Variants in MAST1 observed in about 807,000 individuals in gnomAD.
MAST1 encodes the protein microtubule associated serine/threonine kinase 1.
MAST1 carries 40 observed loss-of-function variants against 124.6 expected under a neutral mutation model. That is an observed-to-expected ratio of 0.32 (90% CI 0.25 to 0.42). MAST1 has a LOEUF of 0.42. MAST1 is among the 10% of genes least tolerant of loss of function. The pLI is 1.00. For synonymous variants in MAST1, 938 were observed against 939.4 expected, an observed-to-expected ratio of 1.00 and a Z score of 0.03; for missense variants, 1,558 against 2,181.9, an observed-to-expected ratio of 0.71 and a Z score of 5.70.
Position 12,866,464 on chromosome 19 carries a change from C to G in MAST1, c.2030-189C>G, listed in dbSNP as rs970286030. ...TGGCCTCTTTGGAGGCGGGGCTAGA[C>G]GGTGCCACTGAGAATGGGGCAAGGA... On this transcript the variant is annotated intron_variant, in intron 17 of 25. Coordinates refer to ENST00000251472, the MANE Select transcript of MAST1 (RefSeq NM_014975.3). The surrounding 1 kb of genome is among the most constrained non-coding windows in gnomAD (Gnocchi z 5.2). Among the ~76,000 whole-genome samples the G allele has an allele frequency of 1.3e-5, 2 of 152,026 alleles. No individual in the cohort carries two copies. Among genetic ancestry groups the G allele is most frequent in the African/African-American group, 4.8e-5 (2 of 41,378 alleles).
Position 12,865,575 on chromosome 19 carries a change from G to A in MAST1, c.1804+94G>A. 6.6e-7 allele frequency: 1 copy of A among 1,511,626 alleles called. No homozygotes were observed. The allele number at this position is 1,511,626 out of a possible 1,614,324, so 93.6% of individuals were successfully genotyped here. Reference sequence around the variant, plus strand: ...CAGGGATTTCAAAAGCGACCCCCCAGAGGATCGCTTGCACTCAGGAGGTCA... The same window carrying A: ...CAGGGATTTCAAAAGCGACCCCCCAAAGGATCGCTTGCACTCAGGAGGTCA... On this transcript the variant is annotated intron_variant, in intron 15 of 25. Coordinates refer to ENST00000251472, the MANE Select transcript of MAST1 (RefSeq NM_014975.3). This position sits in a 1 kb window ranked among gnomAD's most constrained non-coding sequence, Gnocchi z 7.1.
At chr19:12,845,820 C>T (rs1285144926) in intron 4 of MAST1, among the ~76,000 whole-genome samples, 2 of 151,992 alleles carry the variant, frequency 1.3e-5, no homozygotes, top group East Asian at 1.9e-4. Flanking sequence ...CCATGCCTGG[C>T]TAATTTTTTT....
chr19:12,847,465 C>T lies in MAST1; in HGVS notation c.488+15C>T, dbSNP rs948064319. On this transcript the variant is annotated intron_variant, in intron 5 of 25. Coordinates refer to ENST00000251472, the MANE Select transcript of MAST1 (RefSeq NM_014975.3). This position sits in a 1 kb window ranked among gnomAD's most constrained non-coding sequence, Gnocchi z 5.5. ...CGGAGCCTCAGGTGGGCAGGCATCC[C>T]TCCTCCTTCGTACCAAGCTAGTGGT... 1.2e-6 allele frequency: 2 copies of T among 1,613,168 alleles called. No homozygotes were observed. The highest frequency in any genetic ancestry group is 2.7e-5 in the African/African-American group (2 of 74,908).
Position 12,847,982 on chromosome 19 carries a change from C to A in MAST1, c.699C>A (p.Thr233=), listed in dbSNP as rs1325977785. Residue 233 remains threonine, a synonymous_variant, in exon 7 of 26, where the codon ACC becomes ACA. Transcript: ENST00000251472. This position sits in a 1 kb window ranked among gnomAD's most constrained non-coding sequence, Gnocchi z 5.5. ...TCGAGCTGGCCCGGGACTGCCTGAC[C>A]AAGTCCCGTGACGGCCTCATCACCA... ...QIIELARDCL[T]KSRDGLITTV... 1.9e-6 allele frequency: 3 copies of A among 1,614,016 alleles called. No individual in the cohort carries two copies. Among genetic ancestry groups the A allele is most frequent in the Admixed American group, 1.7e-5 (1 of 60,004 alleles).
chr19:12,860,130 G>T (rs13382010), intron 12 of MAST1, among the ~76,000 whole-genome samples: 302 of 151,308 alleles, frequency 2.0e-3, no homozygotes, highest in African/African-American at 7.1e-3. Flanking sequence ...CTTTTTTTTG[G>T]GGGGGACGGC....
At chr19:12,864,765 A>G (rs1483679661) in intron 12 of MAST1, 44 bp from the exon 13 acceptor site, 1 of 1,610,598 alleles carries the variant, frequency 6.2e-7, no homozygotes, top group Non-Finnish European at 8.5e-7. Flanking sequence ...GTCCAGAGAG[A>G]GGAATGCCTC....
chr19:12,856,603 C>G (rs912813132), intron 10 of MAST1, among the ~76,000 whole-genome samples: 1 of 152,144 alleles, frequency 6.6e-6, no homozygotes, highest in African/African-American at 2.4e-5. Context: ...CCACACCTGG[C>G]CTTTGCCACA....
intron 13 of MAST1, 30 bp downstream of exon 13, chr19:12,864,977 C>T (rs1568413146): frequency 1.9e-6 from 3 of 1,613,992 alleles, no homozygotes; most frequent in Non-Finnish European, 1.7e-6. Context: ...ATCACTCCCT[C>T]TGTCCCTCGG....
chr19:12,845,619 C>A (rs1189211447), intron 4 of MAST1, among the ~76,000 whole-genome samples: 1 of 150,512 alleles, frequency 6.6e-6, no homozygotes, highest in Non-Finnish European at 1.5e-5. Flanking sequence ...AAGAGGAGAG[C>A]CAGGCATAGT....
intron 7 of MAST1, among the ~76,000 whole-genome samples, chr19:12,850,704 T>G (rs1272880284): frequency 6.6e-6 from 1 of 152,034 alleles, no homozygotes; most frequent in Non-Finnish European, 1.5e-5. Flanking sequence ...GCCTGTTGGA[T>G]TCTGTCTTTA....
intron 4 of MAST1, among the ~76,000 whole-genome samples, chr19:12,844,670 T>C (rs1055134217): frequency 3.1e-4 from 47 of 152,102 alleles, no homozygotes; most frequent in Admixed American, 2.8e-3. Context: ...TGTGCAAACC[T>C]CTAGAGGCCA....
chr19:12,873,934 G>A lies in MAST1; in HGVS notation c.3777G>A (p.Pro1259=). The A allele has an allele frequency of 1.3e-6, 2 of 1,591,220 alleles. No individual in the cohort carries two copies. Among genetic ancestry groups the A allele is most frequent in the South Asian group, 1.1e-5 (1 of 89,528 alleles). ...RPKSAEPPRS[P]LLKRVQSAEK... is the part of the protein sequence containing the mutation. ...AGAGTGCCGAGCCCCCTCGCTCGCC[G>A]CTCCTCAAGCGCGTGCAGTCGGCCG... The change falls in exon 26 of 26, where the codon CCG becomes CCA. Residue 1259 remains proline, a synonymous_variant. Coordinates refer to ENST00000251472, the MANE Select transcript of MAST1 (RefSeq NM_014975.3).
rs1970287993 is a variant in MAST1, at chr19:12,874,475, C to A, written c.4318C>A (p.Pro1440Thr). The A allele has an allele frequency of 3.2e-6, 5 of 1,577,796 alleles. No homozygotes were observed. The highest frequency in any genetic ancestry group is 2.3e-5 in the East Asian group (1 of 44,370). The stretch of plus-strand genomic sequence containing the variant: ...ACCCCTGGTACCCATTGTCGTAGAG[C>A]CTGCGCGGCCCGGGGCTAAGGCTGT... ...GTPLVPIVVE[P>T]ARPGAKAVVP... Residue 1440 changes from proline (P) to threonine (T), a missense_variant, in exon 26 of 26, where the codon CCT becomes ACT. This residue lies in a region of MAST1 where 263 missense variants were observed against 310.9 expected (regional missense o/e 0.85). Transcript: ENST00000251472. This position sits in a 1 kb window ranked among gnomAD's most constrained non-coding sequence, Gnocchi z 6.6.
chr19:12,846,143 C>T (rs1485190858), intron 4 of MAST1, among the ~76,000 whole-genome samples: 2 of 152,118 alleles, frequency 1.3e-5, no homozygotes, highest in South Asian at 2.1e-4. Context: ...TCAAGGCTTC[C>T]GTGAGCCATG....
At position 12,867,736 on chromosome 19, in the gene MAST1, A is replaced by G. The variant is rs1312566617; in HGVS notation, c.2325A>G (p.Arg775=). ...CCACGCCCCCTCCATGCAGCAAGCG[A>G]TTCTCCGCGTCCGAGGCCAGTTTCC... is the stretch of plus-strand genomic sequence containing the variant. ...TWRGGSPEIK[R]FSASEASFLE... is the part of the protein sequence containing the mutation. Residue 775 remains arginine, a synonymous_variant, in exon 20 of 26, where the codon CGA becomes CGG. Coordinates refer to ENST00000251472, the MANE Select transcript of MAST1 (RefSeq NM_014975.3). 4 of 1,531,814 alleles carry G rather than the reference A, an allele frequency of 2.6e-6. No homozygotes were observed. The highest frequency in any genetic ancestry group is 3.5e-6 in the Non-Finnish European group (4 of 1,140,124). The allele number at this position is 1,531,814 out of a possible 1,614,324, so 94.9% of individuals were successfully genotyped here. A position where few individuals can be genotyped will look rare whatever the true frequency, so the allele number is the denominator to read the frequency against.
intron 21 of MAST1, 76 bp from the exon 22 acceptor site, chr19:12,868,990 G>A: frequency 1.9e-6 from 3 of 1,548,426 alleles, no homozygotes; most frequent in Non-Finnish European, 8.9e-7. Flanking sequence ...CACTGCCTTG[G>A]GAGGAGGGAG....
At chr19:12,869,344 GA>G (rs1408090665) in intron 22 of MAST1, 49 bp downstream of exon 22, 6 of 1,508,850 alleles carry the variant, frequency 4.0e-6, no homozygotes, top group Non-Finnish European at 3.6e-6. Flanking sequence ...GGGTGGTGGG[GA>G]AAAGGCCCCT....
intron 12 of MAST1, among the ~76,000 whole-genome samples, chr19:12,859,826 C>CAAA (rs60098806): frequency 1.1e-5 from 1 of 93,180 alleles, no homozygotes; most frequent in Non-Finnish European, 2.3e-5. Context: ...CCCTGTCCCG[C>CAAA]AAAAAAAAAA....
rs762066400 is a variant in MAST1 at position 12,865,984 on chromosome 19, C to T, written c.1911C>T (p.Gly637=). Residue 637 remains glycine, a synonymous_variant, in exon 17 of 26, where the codon GGC becomes GGT. Coordinates refer to ENST00000251472, the MANE Select transcript of MAST1 (RefSeq NM_014975.3). The surrounding 1 kb of genome is among the most constrained non-coding windows in gnomAD (Gnocchi z 7.1). ...TNPLVRLGAG[G]AFEVKQHSFF... is the part of the protein sequence containing the mutation. ...CTGGAATCCCTTCCGTCCCAGGCGG[C>T]GCTTTTGAGGTGAAGCAGCACAGTT... The T allele has an allele frequency of 1.2e-6, 2 of 1,613,780 alleles. No homozygotes were observed. Among genetic ancestry groups the T allele is most frequent in the Admixed American group, 1.7e-5 (1 of 60,010 alleles).
Sources: allele counts gnomAD v4.1 joint callset (sites outside exome capture counted in the v4.1 genomes callset), GRCh38; gene constraint gnomAD v4.1.1; regional missense constraint gnomAD v4.1.1; non-coding constraint Gnocchi (gnomAD v3.1); transcripts MANE v1.5; gene names NCBI Gene and HGNC (gene_info 2026-07-23, HGNC 2026-07-21).